The following TOGARAM2 variants were observed in gnomAD, a reference collection of about 807,000 sequenced individuals.
TOGARAM2 encodes the protein TOG array regulator of axonemal microtubules protein 2.
Under a neutral mutation model 93.3 loss-of-function variants are expected in TOGARAM2, and 85 were observed. The observed-to-expected ratio is 0.91, with a 90% CI of 0.76 to 1.09. TOGARAM2 has a LOEUF of 1.09. Among genes scored for constraint, TOGARAM2 ranks in the 50% least tolerant of loss-of-function variants. The probability of loss-of-function intolerance (pLI) is 0.00; values close to 1 mark genes in which losing one functional copy is unlikely to be tolerated. For missense variants in TOGARAM2, 1,277 were observed against 1,334.5 expected (o/e 0.96, Z 0.67); for synonymous variants, 593 against 552.8 (o/e 1.07, Z -1.02).
chr2:29,005,814 GAGTGCATGTGTGTGCATGTGTATGTGTC>G (rs1663728847), intron 6 of TOGARAM2, among the ~76,000 whole-genome samples: 1 of 148,506 alleles, frequency 6.7e-6, no homozygotes, highest in Non-Finnish European at 1.5e-5. Context: ...GCATGTGTGT[GAGTGCATGTGTGTGCATGTGTATGTGTC>G]AGTGCATGTG....
intron 8 of TOGARAM2, 22 bp from the exon 9 acceptor site, chr2:29,017,132 G>A: frequency 6.2e-7 from 1 of 1,608,396 alleles, no homozygotes; most frequent in African/African-American, 1.3e-5. Context: ...GGTTAATAGA[G>A]TTTGCCTTGA....
At chr2:29,005,462 T>C (rs1255419663) in intron 6 of TOGARAM2, among the ~76,000 whole-genome samples, 1 of 100,572 alleles carries the variant, frequency 9.9e-6, no homozygotes, top group Non-Finnish European at 2.1e-5. Flanking sequence ...AGAGCATGTG[T>C]GACTGCATGT....
intron 1 of TOGARAM2, among the ~76,000 whole-genome samples, chr2:28,966,432 G>C (rs968782437): frequency 2.0e-5 from 3 of 151,802 alleles, no homozygotes; most frequent in Admixed American, 6.6e-5. Context: ...TGAGTAGCTG[G>C]GACTACAGGC....
Position 29,017,551 on chromosome 2 carries a change from C to T in TOGARAM2, c.1196-241C>T, listed in dbSNP as rs148998008. ...CCTCCCAAGTAGTGGGAAATACAGA[C>T]GTGTGCTACCATGCTTGGCTAATTT... On this transcript the variant is annotated intron_variant, in intron 9 of 19. Transcript: ENST00000379558. Among the ~76,000 whole-genome samples, 146 of 152,304 alleles carry T rather than the reference C, an allele frequency of 9.6e-4. 1 individual carries two copies. Among genetic ancestry groups the T allele is most frequent in the African/African-American group, 2.7e-3 (111 of 41,546 alleles).
rs1181573723 is a variant in TOGARAM2, at chr2:29,002,622, C to T, written c.514C>T (p.Pro172Ser). Residue 172 changes from proline to serine, a missense_variant, in exon 5 of 20, where the codon CCC becomes TCC. Pro to Ser is a moderately conservative substitution (Grantham distance 74, BLOSUM62 -1). Coordinates refer to ENST00000379558, the MANE Select transcript of TOGARAM2 (RefSeq NM_199280.4). ...RATSQRLLRVPRPMPLIQSIP... is the reference protein window; with the variant it reads ...RATSQRLLRVSRPMPLIQSIP... ...CACCTCTCAGAGGCTGCTGAGGGTG[C>T]CCAGGCCGATGCCTCTCATCCAGAG... 6.2e-7 allele frequency: 1 copy of T among 1,613,818 alleles called. No homozygotes were observed. The highest frequency in any genetic ancestry group is 8.5e-7 in the Non-Finnish European group (1 of 1,179,886).
intron 1 of TOGARAM2, among the ~76,000 whole-genome samples, chr2:28,973,002 C>T (rs1388953753): frequency 6.6e-6 from 1 of 152,212 alleles, no homozygotes; most frequent in Non-Finnish European, 1.5e-5. Flanking sequence ...GCTGGTTATC[C>T]AACCACTGGC....
chr2:29,007,654 T>C (rs758877332), intron 6 of TOGARAM2, among the ~76,000 whole-genome samples: 1 of 152,108 alleles, frequency 6.6e-6, no homozygotes, highest in Non-Finnish European at 1.5e-5. Flanking sequence ...TTGCAGGCCC[T>C]TTGCCTGTAT....
chr2:29,044,974 A>G (rs1285983015), intron 18 of TOGARAM2, among the ~76,000 whole-genome samples: 1 of 151,866 alleles, frequency 6.6e-6, no homozygotes, highest in Non-Finnish European at 1.5e-5. Context: ...TCCATCATCC[A>G]TCCATCCATC....
intron 1 of TOGARAM2, among the ~76,000 whole-genome samples, chr2:28,989,744 G>C (rs1013197917): frequency 2.1e-4 from 32 of 151,798 alleles, no homozygotes; most frequent in Non-Finnish European, 4.3e-4. Flanking sequence ...TACTATGTTG[G>C]CCAGGCTGGT....
chr2:28,983,696 G>T (rs1672334220), intron 1 of TOGARAM2, among the ~76,000 whole-genome samples: 1 of 152,110 alleles, frequency 6.6e-6, no homozygotes, highest in African/African-American at 2.4e-5. Flanking sequence ...CTGAACATTA[G>T]GTTTGTGCAT....
intron 3 of TOGARAM2, 30 bp downstream of exon 3, chr2:28,998,283 G>C (rs751552748): frequency 2.0e-6 from 3 of 1,529,586 alleles, no homozygotes; most frequent in Non-Finnish European, 8.9e-7. Flanking sequence ...CCTGGTCAGG[G>C]CCCCTGGCCT....
chr2:28,994,936 C>T lies in TOGARAM2; in HGVS notation c.28+74C>T, dbSNP rs1672920768. 3 of 1,518,658 alleles carry T rather than the reference C, an allele frequency of 2.0e-6. No homozygotes were observed. The South Asian group carries it at 3.6e-5, about 18-fold the overall frequency. The allele number at this position is 1,518,658 out of a possible 1,614,324, so 94.1% of individuals were successfully genotyped here. ...GACCTGCCTCGGACACTCCCAAGGG[C>T]CAGAAAAAGGGAGATGTGGGGATAA... is the stretch of plus-strand genomic sequence containing the variant. On this transcript the variant is annotated intron_variant, in intron 2 of 19. Transcript: ENST00000379558.
intron 14 of TOGARAM2, among the ~76,000 whole-genome samples, chr2:29,031,303 G>C (rs1665755109): frequency 6.6e-6 from 1 of 152,212 alleles, no homozygotes; most frequent in Admixed American, 6.5e-5. Context: ...CCAAATAGCT[G>C]AGACAATAGG....
intron 1 of TOGARAM2, among the ~76,000 whole-genome samples, chr2:28,981,955 G>A (rs900275491): frequency 7.9e-5 from 12 of 152,208 alleles, no homozygotes; most frequent in South Asian, 6.2e-4. Context: ...GATGGCACCC[G>A]TGCTTAGGGG....
In TOGARAM2 at chr2:29,024,267, G is replaced by A. The variant is rs766082528; in HGVS notation, c.1746G>A (p.Ala582=). ...EIARCLLQKM[A]DTNEFIQRAA... The stretch of plus-strand genomic sequence containing the variant: ...CCCGCTGCTTGCTGCAGAAGATGGC[G>A]GACACCAACGAGTTCATCCAGAGAG... The change falls in exon 13 of 20, where the codon GCG becomes GCA. Residue 582 remains alanine (A), a synonymous_variant. Transcript: ENST00000379558. The A allele has an allele frequency of 2.5e-5, 41 of 1,612,888 alleles. No individual in the cohort carries two copies. Among genetic ancestry groups the A allele is most frequent in the Middle Eastern group, 1.6e-4 (1 of 6,084 alleles).
intron 6 of TOGARAM2, among the ~76,000 whole-genome samples, chr2:29,005,899 G>A (rs1663742344): frequency 1.3e-5 from 2 of 151,160 alleles, no homozygotes; most frequent in South Asian, 4.2e-4. Flanking sequence ...GTATGTGTGT[G>A]AGTGCGTGTG....
At position 29,022,459 on chromosome 2, in the gene TOGARAM2, C is replaced by T. The variant is rs1665018932; in HGVS notation, c.1511+151C>T. ...CAGTTTGGAGGGAGGACTGTGCATG[C>T]ATATAGATATGTGTGTTTATGTGCG... is the stretch of plus-strand genomic sequence containing the variant. On this transcript the variant is annotated intron_variant, in intron 11 of 19. Transcript: ENST00000379558. 2.0e-5 allele frequency among the ~76,000 whole-genome samples: 3 copies of T among 152,016 alleles called. No individual in the cohort carries two copies. In the South Asian group the frequency reaches 6.2e-4, roughly 31 times the overall value.
rs570485186 is a variant in TOGARAM2, at chr2:28,985,893, C to T, written c.-111+4355C>T. 1.9e-4 allele frequency among the ~76,000 whole-genome samples: 29 copies of T among 152,182 alleles called. No individual in the cohort carries two copies. In the South Asian group the frequency reaches 5.2e-3, roughly 27 times the overall value. ...CTGAGGTGGGTGGATCACTTGAGGT[C>T]AGGAGTTCGAGACCAGCCTGGCCAA... On this transcript the variant is annotated intron_variant, in intron 1 of 19. Transcript: ENST00000379558.
At chr2:29,049,246 C>T (rs1666938964) in intron 19 of TOGARAM2, 1 of 152,168 alleles carries the variant, frequency 6.6e-6, no homozygotes, top group Admixed American at 6.5e-5. Context: ...AGTGATCCAC[C>T]CACCTGGGAC....
Sources: allele counts gnomAD v4.1 joint callset (sites outside exome capture counted in the v4.1 genomes callset), GRCh38; gene constraint gnomAD v4.1.1; transcripts MANE v1.5; gene names NCBI Gene and HGNC (gene_info 2026-07-23, HGNC 2026-07-21).